CPA4: variants seen among roughly 807,000 people sequenced by gnomAD.
CPA4 encodes the protein carboxypeptidase A3.
In CPA4, 49 loss-of-function variants were observed where a neutral mutation model predicts 54.7. The observed-to-expected ratio is 0.90, with a 90% CI of 0.71 to 1.14. CPA4 has a LOEUF of 1.14. Among genes scored for constraint, CPA4 ranks in the 50% most tolerant of loss-of-function variants. The probability of loss-of-function intolerance (pLI) is 0.00; values close to 1 mark genes in which losing one functional copy is unlikely to be tolerated. For synonymous variants in CPA4, 215 were observed against 206.8 expected, an observed-to-expected ratio of 1.04 and a Z score of -0.34; for missense variants, 487 against 525.1, an observed-to-expected ratio of 0.93 and a Z score of 0.71.
chr7:130,293,332 T>C, intron 1 of CPA4, 84 bp downstream of exon 1: 1 of 829,194 alleles, frequency 1.2e-6, no homozygotes, highest in Admixed American at 1.8e-5. Context: ...TGATAATAGC[T>C]CACATGGAGG....
chr7:130,323,551 TAGA>T lies in CPA4; in HGVS notation c.*879_*881del, dbSNP rs1794159552. On this transcript the variant is annotated 3_prime_UTR_variant, in exon 11 of 11. Coordinates refer to ENST00000222482, the MANE Select transcript of CPA4 (RefSeq NM_016352.4). ...TCCTTTTTTAGGCCTGAATACAAAG[TAGA>T]AGATCACTTTCCTTCACTGTGCTGA... is the stretch of plus-strand genomic sequence containing the variant. 1.3e-5 allele frequency: 2 copies of T among 152,334 alleles called. No individual in the cohort carries two copies. Among genetic ancestry groups the T allele is most frequent in the South Asian group, 2.1e-4 (1 of 4,814 alleles). The allele number at this position is 152,334 out of a possible 1,614,324, so 9.4% of individuals were successfully genotyped here.
In CPA4 at chr7:130,313,296, C is replaced by T. The variant is rs536071915; in HGVS notation, c.1078+1174C>T. On this transcript the variant is annotated intron_variant, in intron 10 of 10. Transcript: ENST00000222482. The stretch of plus-strand genomic sequence containing the variant: ...CCTAGGCATATTATTAGGACAGAGC[C>T]CAGGAATGGGATGACCTGTGTTACG... 5.3e-5 allele frequency among the ~76,000 whole-genome samples: 8 copies of T among 152,218 alleles called. No individual in the cohort carries two copies. The South Asian group carries it at 1.7e-3, about 32-fold the overall frequency.
chr7:130,303,051 G>A (rs1793763410), intron 4 of CPA4, among the ~76,000 whole-genome samples: 1 of 152,168 alleles, frequency 6.6e-6, no homozygotes, highest in Admixed American at 6.5e-5. Context: ...ATTTGGAGGT[G>A]GTTTCTTGCT....
At chr7:130,313,526 C>G (rs1397746082) in intron 10 of CPA4, among the ~76,000 whole-genome samples, 1 of 152,080 alleles carries the variant, frequency 6.6e-6, no homozygotes, top group African/African-American at 2.4e-5. Context: ...TGGTCTTGGG[C>G]TTTTATAAGG....
At chr7:130,300,945 G>T (rs750160691) in intron 4 of CPA4, 31 bp downstream of exon 4, 3 of 1,404,926 alleles carry the variant, frequency 2.1e-6, no homozygotes, top group South Asian at 2.3e-5. Flanking sequence ...TAAGATCAAG[G>T]TTCTCTGCCT....
intron 1 of CPA4, among the ~76,000 whole-genome samples, chr7:130,296,753 C>A (rs543686097): frequency 2.4e-5 from 3 of 122,872 alleles, no homozygotes; most frequent in African/African-American, 9.0e-5. Flanking sequence ...GTGATGCAAT[C>A]ATAGCTCACT....
intron 10 of CPA4, among the ~76,000 whole-genome samples, chr7:130,316,702 C>T (rs540450825): frequency 1.3e-5 from 2 of 152,060 alleles, no homozygotes; most frequent in South Asian, 4.2e-4. Flanking sequence ...CTTTGGGAGG[C>T]CGAGGCGGGT....
chr7:130,308,357 T>C lies in CPA4; in HGVS notation c.753T>C (p.Ile251=). The C allele has an allele frequency of 6.2e-7, 1 of 1,614,194 alleles. No individual in the cohort carries two copies. The highest frequency in any genetic ancestry group is 8.5e-7 in the Non-Finnish European group (1 of 1,180,030). ...CCCGAAATCCTGGAAGCTCCTGCATTGGTGCTGACCCAAATAGAAACTGGA... is the reference window on the plus strand; with the variant it reads ...CCCGAAATCCTGGAAGCTCCTGCATCGGTGCTGACCCAAATAGAAACTGGA... ...TRSRNPGSSC[I]GADPNRNWNA... The change falls in exon 8 of 11, where the codon ATT becomes ATC. Residue 251 remains isoleucine, a synonymous_variant. Transcript: ENST00000222482.
At position 130,323,936 on chromosome 7, in the gene CPA4, TTTG is replaced by T; in HGVS notation, c.*1262_*1264del. On this transcript the variant is annotated 3_prime_UTR_variant, in exon 11 of 11. Transcript: ENST00000222482. ...GTGTGTGTGTGTGTGTGTGTGTGTGTTTGTGTGTGTGTGTCTGTCTATTTTGTA... is the reference window on the plus strand; with the variant it reads ...GTGTGTGTGTGTGTGTGTGTGTGTGTTGTGTGTGTGTCTGTCTATTTTGTA... The T allele has an allele frequency of 7.0e-6, 1 of 143,412 alleles. No individual in the cohort carries two copies. Among genetic ancestry groups the T allele is most frequent in the Non-Finnish European group, 1.5e-5 (1 of 65,428 alleles). 8.9% of individuals were successfully genotyped at this position (143,412 alleles called of 1,614,324 possible). A position where few individuals can be genotyped will look rare whatever the true frequency, so the allele number is the denominator to read the frequency against.
chr7:130,317,507 G>A (rs181425133), intron 10 of CPA4, among the ~76,000 whole-genome samples: 31 of 152,280 alleles, frequency 2.0e-4, no homozygotes, highest in Non-Finnish European at 2.9e-5. Flanking sequence ...CTCTGGTCCA[G>A]TCTGGAGTGC....
At position 130,299,417 on chromosome 7, in the gene CPA4, T is replaced by G. The variant is rs772153493; in HGVS notation, c.285+13T>G. 4.9e-5 allele frequency: 79 copies of G among 1,611,834 alleles called. No homozygotes were observed. The highest frequency in any genetic ancestry group is 6.1e-5 in the Non-Finnish European group (72 of 1,178,228). The stretch of plus-strand genomic sequence containing the variant: ...TGAGGACCTGCAGGTAGGTAGACTA[T>G]GCCTCCTGCCTCCTGCTCTTGCATA... On this transcript the variant is annotated intron_variant, in intron 3 of 10. Transcript: ENST00000222482.
intron 7 of CPA4, 67 bp from the exon 8 acceptor site, chr7:130,308,240 A>C: frequency 7.3e-7 from 1 of 1,376,086 alleles, no homozygotes; most frequent in Non-Finnish European, 1.0e-6. Context: ...TGTCATCTCC[A>C]CCCTAGCCCT....
intron 1 of CPA4, among the ~76,000 whole-genome samples, chr7:130,294,063 A>C (rs1336559931): frequency 1.3e-5 from 2 of 152,192 alleles, no homozygotes; most frequent in Non-Finnish European, 2.9e-5. Context: ...ATTTGCAAAG[A>C]GCTTTCATGT....
At chr7:130,317,356 A>G (rs1447295162) in intron 10 of CPA4, among the ~76,000 whole-genome samples, 2 of 152,246 alleles carry the variant, frequency 1.3e-5, no homozygotes, top group African/African-American at 4.8e-5. Flanking sequence ...AGGTTTGTGT[A>G]AGTACATTGC....
chr7:130,319,386 G>T (rs1375187846), intron 10 of CPA4, among the ~76,000 whole-genome samples: 3 of 152,150 alleles, frequency 2.0e-5, no homozygotes, highest in Non-Finnish European at 2.9e-5. Flanking sequence ...TCAGACATGG[G>T]GGAAGAAAGG....
intron 10 of CPA4, among the ~76,000 whole-genome samples, chr7:130,320,141 C>T (rs566954763): frequency 4.6e-5 from 7 of 152,266 alleles, no homozygotes; most frequent in African/African-American, 1.7e-4. Context: ...TCACACAATG[C>T]AGCACTACAG....
intron 7 of CPA4, among the ~76,000 whole-genome samples, chr7:130,307,274 C>A (rs969786039): frequency 1.2e-4 from 18 of 152,212 alleles, no homozygotes; most frequent in East Asian, 9.6e-4. Flanking sequence ...TATGGCACTA[C>A]TATCACTTTT....
chr7:130,298,151 C>G (rs1180336504), intron 1 of CPA4, among the ~76,000 whole-genome samples: 1 of 152,140 alleles, frequency 6.6e-6, no homozygotes, highest in African/African-American at 2.4e-5. Context: ...GAGCGAGCAC[C>G]CAGCCTCGCC....
At position 130,322,897 on chromosome 7, in the gene CPA4, T is replaced by C. The variant is rs1400297182; in HGVS notation, c.*221T>C. 2.1e-6 allele frequency: 1 copy of C among 466,994 alleles called. No homozygotes were observed. The highest frequency in any genetic ancestry group is 2.0e-5 in the African/African-American group (1 of 51,068). The allele number at this position is 466,994 out of a possible 1,614,324, so 28.9% of individuals were successfully genotyped here. On this transcript the variant is annotated 3_prime_UTR_variant, in exon 11 of 11. Coordinates refer to ENST00000222482, the MANE Select transcript of CPA4 (RefSeq NM_016352.4). ...CTGCTCAATTTTGGTCCTGCTGTTT[T>C]TGATGAGCCTTTTGTCTGTTTCTCC...
Sources: allele counts gnomAD v4.1 joint callset (sites outside exome capture counted in the v4.1 genomes callset), GRCh38; gene constraint gnomAD v4.1.1; transcripts MANE v1.5; gene names NCBI Gene and HGNC (gene_info 2026-07-23, HGNC 2026-07-21).